ARL15: variants seen among roughly 807,000 people sequenced by gnomAD.
The protein encoded by ARL15 is ADP-ribosylation factor-like protein 15.
Under a neutral mutation model 25.2 loss-of-function variants are expected in ARL15, and 19 were observed. The observed-to-expected ratio is 0.75, with a 90% CI of 0.53 to 1.10. ARL15 has a LOEUF of 1.10. Ranked by LOEUF, ARL15 falls within the 50% of genes least tolerant of loss-of-function variation. ARL15 has a pLI of 0.00. For synonymous variants in ARL15, 94 were observed against 86.8 expected, an observed-to-expected ratio of 1.08 and a Z score of -0.46; for missense variants, 220 against 246.0, an observed-to-expected ratio of 0.89 and a Z score of 0.71.
In ARL15 at chr5:54,140,373, T is replaced by G. The variant is rs529737577; in HGVS notation, c.253+14207A>C. Among the ~76,000 whole-genome samples the G allele has an allele frequency of 4.6e-5, 7 of 151,980 alleles. No homozygotes were observed. The East Asian group carries it at 1.4e-3, about 29-fold the overall frequency. ...CTGGTTGTACCACCAACTATGATTT[T>G]GAAATAAAGGGTTTAAATATATATA... On this transcript the variant is annotated intron_variant, in intron 3 of 4. Transcript: ENST00000504924.
At chr5:54,049,284 G>A (rs1401302328) in intron 4 of ARL15, among the ~76,000 whole-genome samples, 3 of 151,956 alleles carry the variant, frequency 2.0e-5, no homozygotes, top group Non-Finnish European at 4.4e-5. Context: ...CCAGGCTGGA[G>A]TGCAGTGGCA....
intron 4 of ARL15, among the ~76,000 whole-genome samples, chr5:53,966,790 A>G (rs1174066535): frequency 6.6e-6 from 1 of 152,212 alleles, no homozygotes; most frequent in Non-Finnish European, 1.5e-5. Flanking sequence ...TTGACAATCT[A>G]TTTTAAAAGC....
intron 3 of ARL15, among the ~76,000 whole-genome samples, chr5:54,141,865 T>C (rs1753792200): frequency 6.6e-6 from 1 of 152,212 alleles, no homozygotes; most frequent in Admixed American, 6.5e-5. Flanking sequence ...CATAATTATT[T>C]TGAGATTCAT....
intron 4 of ARL15, among the ~76,000 whole-genome samples, chr5:54,042,070 A>C (rs1750361695): frequency 6.6e-6 from 1 of 151,400 alleles, no homozygotes; most frequent in South Asian, 2.1e-4. Flanking sequence ...TCCTGGGTTC[A>C]AGCGATTCTT....
chr5:53,998,400 C>G (rs1748750467), intron 4 of ARL15, among the ~76,000 whole-genome samples: 1 of 152,110 alleles, frequency 6.6e-6, no homozygotes, highest in Non-Finnish European at 1.5e-5. Context: ...TCTAATCCTC[C>G]TTTCAATGTG....
intron 1 of ARL15, among the ~76,000 whole-genome samples, chr5:54,189,266 T>C (rs550164242): frequency 2.5e-4 from 38 of 152,242 alleles, no homozygotes; most frequent in Non-Finnish European, 4.9e-4. Context: ...TGCAATCCTA[T>C]CAAAATCTAA....
At chr5:54,295,667 CAA>C (rs1758447210) in intron 1 of ARL15, among the ~76,000 whole-genome samples, 1 of 152,068 alleles carries the variant, frequency 6.6e-6, no homozygotes, top group South Asian at 2.1e-4. Context: ...CAAAATGAAA[CAA>C]AGAGAGAAAT....
At position 53,885,737 on chromosome 5, in the gene ARL15, GA is replaced by G. The variant is rs764091096; in HGVS notation, c.*823del. 3.3e-5 allele frequency: 5 copies of G among 151,964 alleles called. No individual in the cohort carries two copies. In the East Asian group the frequency reaches 5.8e-4, roughly 18 times the overall value. 9.4% of individuals were successfully genotyped at this position (151,964 alleles called of 1,614,324 possible). A position where few individuals can be genotyped will look rare whatever the true frequency, so the allele number is the denominator to read the frequency against. On this transcript the variant is annotated 3_prime_UTR_variant, in exon 5 of 5. Coordinates refer to ENST00000504924, the MANE Select transcript of ARL15 (RefSeq NM_019087.3). Reference sequence around the variant, plus strand: ...TTTTCTCTATTTTAATCAAACACTTGAAGTTTTTAGAAAAAGATACCTATGT... The same window carrying G: ...TTTTCTCTATTTTAATCAAACACTTGAGTTTTTAGAAAAAGATACCTATGT...
At chr5:54,122,761 A>G (rs1429916532) in intron 3 of ARL15, among the ~76,000 whole-genome samples, 4 of 152,202 alleles carry the variant, frequency 2.6e-5, no homozygotes, top group Non-Finnish European at 4.4e-5. Context: ...CTAAGCACAA[A>G]ATGGGCTTTT....
intron 1 of ARL15, among the ~76,000 whole-genome samples, chr5:54,309,852 GC>G (rs925764086): frequency 3.2e-4 from 49 of 152,272 alleles, no homozygotes; most frequent in South Asian, 6.2e-4. Flanking sequence ...GAATGGTGGG[GC>G]TATACCTGTC....
At chr5:54,106,807 C>A (rs2112197263) in intron 4 of ARL15, among the ~76,000 whole-genome samples, 1 of 151,840 alleles carries the variant, frequency 6.6e-6, no homozygotes, top group African/African-American at 2.4e-5. Context: ...TGTCCTTCAA[C>A]AAACTTACAA....
At chr5:53,897,932 C>T (rs2111924738) in intron 4 of ARL15, among the ~76,000 whole-genome samples, 1 of 152,216 alleles carries the variant, frequency 6.6e-6, no homozygotes, top group Admixed American at 6.5e-5. Context: ...CACTGGAAGC[C>T]TTGCCAATTA....
At chr5:54,092,502 A>T (rs1752162378) in intron 4 of ARL15, among the ~76,000 whole-genome samples, 1 of 152,244 alleles carries the variant, frequency 6.6e-6, no homozygotes, top group African/African-American at 2.4e-5. Flanking sequence ...ATTTTCTTGT[A>T]TGGCTCATAT....
chr5:53,925,605 C>A (rs973672410), intron 4 of ARL15, among the ~76,000 whole-genome samples: 10 of 152,078 alleles, frequency 6.6e-5, no homozygotes, highest in African/African-American at 2.4e-5. Flanking sequence ...GAGTTCGAGA[C>A]CTGCCTGGGT....
intron 1 of ARL15, among the ~76,000 whole-genome samples, chr5:54,182,665 GT>G (rs1206680294): frequency 6.6e-6 from 1 of 151,138 alleles, no homozygotes; most frequent in Non-Finnish European, 1.5e-5. Context: ...CTTTAAAGTA[GT>G]TTTTTCCAAT....
chr5:53,981,900 C>CAAAA (rs553509243), intron 4 of ARL15, among the ~76,000 whole-genome samples: 3 of 144,618 alleles, frequency 2.1e-5, no homozygotes, highest in African/African-American at 2.5e-5. Flanking sequence ...AACTCTGTCT[C>CAAAA]AAAAAAAAAG....
chr5:53,987,878 G>A (rs759436538), intron 4 of ARL15, among the ~76,000 whole-genome samples: 4 of 152,120 alleles, frequency 2.6e-5, no homozygotes, highest in African/African-American at 7.2e-5. Flanking sequence ...CGAGGTGGGC[G>A]GATCACGAGG....
At chr5:53,959,652 CT>C (rs1747296455) in intron 4 of ARL15, among the ~76,000 whole-genome samples, 1 of 152,056 alleles carries the variant, frequency 6.6e-6, no homozygotes, top group Non-Finnish European at 1.5e-5. Flanking sequence ...CTCTTGGGAC[CT>C]ATGGACTTAT....
intron 1 of ARL15, among the ~76,000 whole-genome samples, chr5:54,299,745 A>G (rs1283166353): frequency 6.6e-6 from 1 of 151,900 alleles, no homozygotes; most frequent in Non-Finnish European, 1.5e-5. Context: ...GTGCACCACT[A>G]CGCCTGGCTA....
Sources: gnomAD v4.1 joint callset for allele counts (sites outside exome capture counted in the v4.1 genomes callset) on GRCh38, gnomAD v4.1.1 for gene constraint, MANE v1.5 for transcripts, NCBI Gene and HGNC (gene_info 2026-07-23, HGNC 2026-07-21) for gene names.